The following VAV1 variants were observed in gnomAD, a reference collection of about 807,000 sequenced individuals.
VAV1 encodes vav guanine nucleotide exchange factor 1, also known as proto-oncogene vav.
In VAV1, 33 loss-of-function variants were observed where a neutral mutation model predicts 128.1. The ratio of observed to expected loss-of-function variants is 0.26; its 90% confidence interval spans 0.20 to 0.34. VAV1 has a LOEUF of 0.34. Among genes scored for constraint, VAV1 ranks in the 10% least tolerant of loss-of-function variants. The probability of loss-of-function intolerance (pLI) is 1.00; values close to 1 mark genes in which losing one functional copy is unlikely to be tolerated. For missense variants in VAV1, 715 were observed against 1,093.7 expected (o/e 0.65, Z 4.88); for synonymous variants, 394 against 409.8 (o/e 0.96, Z 0.47).
intron 1 of VAV1, among the ~76,000 whole-genome samples, chr19:6,789,112 A>C (rs1970958236): frequency 6.6e-6 from 1 of 152,218 alleles, no homozygotes; most frequent in Admixed American, 6.5e-5. Context: ...GGGGGCGGGC[A>C]AACCAGTTTT....
At chr19:6,774,421 C>T (rs200840526) in intron 1 of VAV1, among the ~76,000 whole-genome samples, 2,778 of 143,058 alleles carry the variant, frequency 0.019, 81 homozygotes, top group African/African-American at 0.068. Context: ...AGCCACCGCG[C>T]CCAGCCTTTT....
intron 9 of VAV1, 126 bp from the exon 10 acceptor site, chr19:6,827,950 G>T: frequency 2.6e-6 from 2 of 761,914 alleles, no homozygotes; most frequent in Non-Finnish European, 2.2e-6. Flanking sequence ...TTGGCCTCTA[G>T]AAAAATTCCC....
At chr19:6,827,519 C>T (rs1971947280) in intron 9 of VAV1, among the ~76,000 whole-genome samples, 1 of 152,164 alleles carries the variant, frequency 6.6e-6, no homozygotes, top group Non-Finnish European at 1.5e-5. Flanking sequence ...AAGCGACTCA[C>T]CCACTCAGCC....
intron 1 of VAV1, among the ~76,000 whole-genome samples, chr19:6,814,667 C>CCTTCCTTCCTTCCTTCCTTCCTTCCTTT (rs1971586781): frequency 4.0e-5 from 1 of 25,100 alleles, no homozygotes; most frequent in Admixed American, 4.9e-4. Flanking sequence ...TTCCTTCCTT[C>CCTTCCTTCCTTCCTTCCTTCCTTCCTTT]CTTCCTTTCT....
intron 1 of VAV1, chr19:6,816,505 T>TCTCTCA (rs201487888): frequency 0.071 from 10,496 of 147,152 alleles, 752 homozygotes; most frequent in African/African-American, 0.17. Flanking sequence ...TCTCTCTCTC[T>TCTCTCA]CACACGCACA....
Position 6,820,780 on chromosome 19 carries a change from G to A in VAV1, c.283G>A (p.Glu95Lys). ...KFGLKRSELF[E>K]AFDLFDVQDF... ...CGGCCTCAAGCGGAGCGAGCTCTTC[G>A]AAGCCTTTGACCTCTTCGATGTGCA... is the stretch of plus-strand genomic sequence containing the variant. The change falls in exon 2 of 27, where the codon GAA (glutamate) becomes AAA (lysine). Residue 95 changes from glutamate to lysine, a missense_variant. Transcript: ENST00000602142. The surrounding 1 kb of genome is among the most constrained non-coding windows in gnomAD (Gnocchi z 4.4). 6.2e-7 allele frequency: 1 copy of A among 1,614,198 alleles called. No homozygotes were observed. The highest frequency in any genetic ancestry group is 8.5e-7 in the Non-Finnish European group (1 of 1,180,044).
chr19:6,777,069 C>G lies in VAV1; in HGVS notation c.204+4058C>G, dbSNP rs142939702. ...ACGCCCGGCCCATCCATTCATCTAT[C>G]TATCATCCACCTGCCCACCCACCCA... On this transcript the variant is annotated intron_variant, in intron 1 of 26. Coordinates refer to ENST00000602142, the MANE Select transcript of VAV1 (RefSeq NM_005428.4). This position sits in a 1 kb window ranked among gnomAD's most constrained non-coding sequence, Gnocchi z 4.4. Among the ~76,000 whole-genome samples the G allele has an allele frequency of 6.1e-4, 93 of 151,800 alleles. No individual in the cohort carries two copies. The highest frequency in any genetic ancestry group is 2.1e-3 in the African/African-American group (88 of 41,412).
rs769333944 is a variant in VAV1, at chr19:6,821,834, T to C, written c.424T>C (p.Tyr142His). 1.2e-6 allele frequency: 2 copies of C among 1,614,144 alleles called. No homozygotes were observed. The highest frequency in any genetic ancestry group is 1.7e-6 in the Non-Finnish European group (2 of 1,180,018). The stretch of plus-strand genomic sequence containing the variant: ...GGAGAGTGTAGGTGATGAAGACATC[T>C]ACAGTGGCCTGTCCGACCAGATCGA... ...EEESVGDEDI[Y>H]SGLSDQIDDT... Residue 142 changes from tyrosine to histidine, a missense_variant, in exon 4 of 27, where the codon TAC becomes CAC. Transcript: ENST00000602142.
chr19:6,776,077 T>TATCCATCC (rs56806852), intron 1 of VAV1, among the ~76,000 whole-genome samples: 5,330 of 129,212 alleles, frequency 0.041, 139 homozygotes, highest in African/African-American at 0.063. Context: ...TCCATCCATT[T>TATCCATCC]ATCCATCCAT....
At chr19:6,838,392 T>TATCCATCC (rs60060059) in intron 21 of VAV1, among the ~76,000 whole-genome samples, 98 of 146,250 alleles carry the variant, frequency 6.7e-4, no homozygotes, top group African/African-American at 2.1e-3. Context: ...TCAGTTCTTC[T>TATCCATCC]ATCCATCCAT....
At chr19:6,801,147 T>C (rs904501477) in intron 1 of VAV1, among the ~76,000 whole-genome samples, 2 of 152,226 alleles carry the variant, frequency 1.3e-5, no homozygotes, top group Non-Finnish European at 2.9e-5. Context: ...CTGTTTGTCT[T>C]GATCACCATT....
intron 26 of VAV1, among the ~76,000 whole-genome samples, chr19:6,854,878 T>C (rs1972755486): frequency 6.6e-6 from 1 of 152,052 alleles, no homozygotes; most frequent in Non-Finnish European, 1.5e-5. Context: ...AGGTTGTATA[T>C]GTGTTGGGGG....
intron 1 of VAV1, among the ~76,000 whole-genome samples, chr19:6,803,946 G>A (rs1486006939): frequency 6.6e-6 from 1 of 152,064 alleles, no homozygotes; most frequent in Non-Finnish European, 1.5e-5. Context: ...AACCCCAAAT[G>A]CATATTACTA....
At chr19:6,831,554 C>T (rs1599664962) in intron 14 of VAV1, among the ~76,000 whole-genome samples, 2 of 152,146 alleles carry the variant, frequency 1.3e-5, no homozygotes, top group South Asian at 2.1e-4. Context: ...CCTCGTGATC[C>T]GCCCACCTCA....
At chr19:6,814,018 C>T (rs1971568866) in intron 1 of VAV1, among the ~76,000 whole-genome samples, 1 of 152,068 alleles carries the variant, frequency 6.6e-6, no homozygotes, top group Admixed American at 6.6e-5. Flanking sequence ...TATGATCGTG[C>T]CACTCCACTC....
intron 26 of VAV1, 116 bp from the exon 27 acceptor site, chr19:6,856,938 A>G: frequency 1.2e-6 from 1 of 826,234 alleles, no homozygotes; most frequent in Non-Finnish European, 2.1e-6. Context: ...TCTGGGATAG[A>G]CAGAAGGAAG....
At chr19:6,829,286 G>A (rs1971998280) in intron 13 of VAV1, among the ~76,000 whole-genome samples, 1 of 151,752 alleles carries the variant, frequency 6.6e-6, no homozygotes, top group African/African-American at 2.4e-5. Flanking sequence ...CCTGGGTAGG[G>A]ATGGGGCCAG....
rs770895701 is a variant in VAV1, at chr19:6,828,796, C to A, written c.1180-19C>A. On this transcript the variant is annotated intron_variant, in intron 12 of 26. Coordinates refer to ENST00000602142, the MANE Select transcript of VAV1 (RefSeq NM_005428.4). The surrounding 1 kb of genome is among the most constrained non-coding windows in gnomAD (Gnocchi z 4.5). ...CCTTTCTTGGGAGACCCTTGCTAGA[C>A]CCCCTGCCTACTGCATAGGACCAGT... is the stretch of plus-strand genomic sequence containing the variant. 6 of 1,613,970 alleles carry A rather than the reference C, an allele frequency of 3.7e-6. No homozygotes were observed. In the South Asian group the frequency reaches 5.5e-5, roughly 15 times the overall value.
chr19:6,848,692 C>T lies in VAV1; in HGVS notation c.2129+578C>T, dbSNP rs374458725. Among the ~76,000 whole-genome samples, 15 of 152,036 alleles carry T rather than the reference C, an allele frequency of 9.9e-5. No individual in the cohort carries two copies. In the East Asian group the frequency reaches 1.2e-3, roughly 12 times the overall value. ...TGTTGGGATTACAGGCGTGAGCCAT[C>T]GTGCCTGGCCTGAAGGCTTTTATTT... On this transcript the variant is annotated intron_variant, in intron 23 of 26. Coordinates refer to ENST00000602142, the MANE Select transcript of VAV1 (RefSeq NM_005428.4).
Sources: gnomAD v4.1 joint callset for allele counts (sites outside exome capture counted in the v4.1 genomes callset) on GRCh38, gnomAD v4.1.1 for gene constraint, Gnocchi (gnomAD v3.1) non-coding constraint, MANE v1.5 for transcripts, NCBI Gene and HGNC (gene_info 2026-07-23, HGNC 2026-07-21) for gene names.